The following UXS1 variants were observed in gnomAD, a reference collection of about 807,000 sequenced individuals.
The protein encoded by UXS1 is UDP-glucuronate decarboxylase 1.
A neutral mutation model predicts 62.6 loss-of-function variants in UXS1; 33 were observed. That is an observed-to-expected ratio of 0.53 (90% CI 0.40 to 0.70). The LOEUF (loss-of-function observed/expected upper bound fraction) is 0.70, where lower values mean the gene tolerates loss of function less well. UXS1 is among the 30% of genes least tolerant of loss of function. The pLI is 0.00. For missense variants in UXS1, 434 were observed against 556.3 expected (o/e 0.78, Z 2.21); for synonymous variants, 213 against 206.8 (o/e 1.03, Z -0.26).
rs1169865435 is a variant in UXS1 at position 106,094,003 on chromosome 2, CTT to C, written c.*21_*22del. 2.5e-6 allele frequency: 4 copies of C among 1,594,064 alleles called. No homozygotes were observed. The African/African-American group carries it at 5.4e-5, about 22-fold the overall frequency. On this transcript the variant is annotated 3_prime_UTR_variant, in exon 15 of 15. Transcript: ENST00000283148. ...ATCCCATCAAGTGTACAATGGTAGT[CTT>C]GTGTCCTAAAAGTGAGGAGTTCAGC...
chr2:106,138,536 A>G (rs1680844275), intron 6 of UXS1: 1 of 985,158 alleles, frequency 1.0e-6, no homozygotes, highest in Non-Finnish European at 1.2e-6. Flanking sequence ...TTTACAACAA[A>G]TACCCCTCCA....
chr2:106,124,022 C>T (rs1317886349), intron 8 of UXS1, among the ~76,000 whole-genome samples: 1 of 152,218 alleles, frequency 6.6e-6, no homozygotes, highest in African/African-American at 2.4e-5. Context: ...AGCACAGCCT[C>T]CGCAGCAATG....
At chr2:106,119,717 G>C (rs1404204024) in intron 9 of UXS1, among the ~76,000 whole-genome samples, 1 of 152,174 alleles carries the variant, frequency 6.6e-6, no homozygotes, top group Non-Finnish European at 1.5e-5. Context: ...CCCAGATCAA[G>C]CCACAGGTAG....
intron 1 of UXS1, among the ~76,000 whole-genome samples, chr2:106,175,613 G>A (rs1256759861): frequency 6.6e-6 from 1 of 152,150 alleles, no homozygotes; most frequent in Admixed American, 6.5e-5. Flanking sequence ...CACATTTGCT[G>A]AGACACTTGG....
At chr2:106,146,653 T>G (rs955920660) in intron 5 of UXS1, among the ~76,000 whole-genome samples, 1 of 150,986 alleles carries the variant, frequency 6.6e-6, no homozygotes, top group Admixed American at 6.6e-5. Flanking sequence ...GGTGGCACAC[T>G]CCTGTAATCC....
intron 1 of UXS1, among the ~76,000 whole-genome samples, chr2:106,179,199 A>G (rs1057085395): frequency 9.9e-5 from 15 of 152,132 alleles, no homozygotes; most frequent in African/African-American, 3.4e-4. Context: ...GTTCCTGGAC[A>G]GGATGCCCAA....
At chr2:106,157,940 C>T in intron 5 of UXS1, 118 bp downstream of exon 5, 1 of 901,882 alleles carries the variant, frequency 1.1e-6, no homozygotes, top group South Asian at 1.6e-5. Flanking sequence ...TGTGGACATA[C>T]TATAAGCCAC....
Position 106,145,215 on chromosome 2 carries a change from G to A in UXS1, c.447C>T (p.Asp149=), listed in dbSNP as rs375468394. 362 of 1,613,654 alleles carry A rather than the reference G, an allele frequency of 2.2e-4. No individual in the cohort carries two copies. The highest frequency in any genetic ancestry group is 2.9e-4 in the Non-Finnish European group (341 of 1,179,810). The change falls in exon 6 of 15, where the codon GAC becomes GAT. Residue 149 remains aspartate (D), a synonymous_variant. Transcript: ENST00000283148. The part of the protein sequence containing the change: ...GHENFELINH[D]VVEPLYIEVD... ...CCTCGATGTAGAGGGGCTCCACCAC[G>A]TCGTGGTTAATCAACTCGAAGTTCT...
intron 4 of UXS1, chr2:106,160,003 C>A (rs1476110074): frequency 6.6e-6 from 1 of 152,160 alleles, no homozygotes; most frequent in South Asian, 2.1e-4. Flanking sequence ...GTGAGCTCAC[C>A]GACCGTCTTT....
At chr2:106,152,280 C>T (rs1682080726) in intron 5 of UXS1, among the ~76,000 whole-genome samples, 1 of 151,986 alleles carries the variant, frequency 6.6e-6, no homozygotes, top group African/African-American at 2.4e-5. Context: ...GGTGAAACCC[C>T]ACCTCTACTA....
At chr2:106,158,464 C>T (rs1682634426) in intron 4 of UXS1, among the ~76,000 whole-genome samples, 1 of 152,222 alleles carries the variant, frequency 6.6e-6, no homozygotes, top group Admixed American at 6.5e-5. Context: ...GGCCGTGAAA[C>T]TGCCTTTGCA....
intron 1 of UXS1, chr2:106,166,479 T>C (rs925468459): frequency 6.1e-6 from 1 of 164,092 alleles, no homozygotes; most frequent in Admixed American, 6.4e-5. Context: ...AGGAAAAAGA[T>C]AATTGGTTGA....
chr2:106,103,402 C>A (rs376455597), intron 11 of UXS1, among the ~76,000 whole-genome samples: 8 of 152,140 alleles, frequency 5.3e-5, no homozygotes, highest in South Asian at 2.1e-4. Context: ...CACACATAAC[C>A]GAGGACAGCA....
chr2:106,183,574 G>C (rs930209129), intron 1 of UXS1: 2 of 152,152 alleles, frequency 1.3e-5, no homozygotes, highest in Admixed American at 1.3e-4. Context: ...CCTTCTAAAT[G>C]CAGGGCGATG....
chr2:106,168,691 C>G (rs560892260), intron 1 of UXS1, among the ~76,000 whole-genome samples: 1 of 152,248 alleles, frequency 6.6e-6, no homozygotes. Flanking sequence ...TATTTATAAT[C>G]ACACACACAA....
At chr2:106,116,028 T>C (rs530705737) in intron 9 of UXS1, among the ~76,000 whole-genome samples, 3 of 152,294 alleles carry the variant, frequency 2.0e-5, no homozygotes, top group South Asian at 4.1e-4. Context: ...ATCAAACGCC[T>C]CCTTGCCTCA....
intron 6 of UXS1, among the ~76,000 whole-genome samples, chr2:106,141,465 A>G (rs927045520): frequency 6.6e-6 from 1 of 152,082 alleles, no homozygotes; most frequent in African/African-American, 2.4e-5. Context: ...TTTTATGTTT[A>G]TTTATTTATT....
At chr2:106,184,351 T>G (rs968663663) in intron 1 of UXS1, among the ~76,000 whole-genome samples, 23 of 152,236 alleles carry the variant, frequency 1.5e-4, no homozygotes, top group African/African-American at 4.8e-4. Context: ...TCAGTACACA[T>G]GAAGAATCTG....
chr2:106,147,086 AG>A (rs1681641100), intron 5 of UXS1, among the ~76,000 whole-genome samples: 1 of 150,694 alleles, frequency 6.6e-6, no homozygotes, highest in Non-Finnish European at 1.5e-5. Context: ...GGTTACAGTG[AG>A]TTGAGATCAC....
Sources: allele counts gnomAD v4.1 joint callset (sites outside exome capture counted in the v4.1 genomes callset), GRCh38; gene constraint gnomAD v4.1.1; transcripts MANE v1.5; gene names NCBI Gene and HGNC (gene_info 2026-07-23, HGNC 2026-07-21).